ABCB5: variants seen among roughly 807,000 people sequenced by gnomAD.
The protein encoded by ABCB5 is ATP-binding cassette sub-family B member 5.
ABCB5 carries 155 observed loss-of-function variants against 144.2 expected under a neutral mutation model. The observed-to-expected ratio is 1.08, with a 90% CI of 0.94 to 1.23. The LOEUF (loss-of-function observed/expected upper bound fraction) is 1.23. Ranked by LOEUF, ABCB5 falls within the 50% of genes most tolerant of loss-of-function variation. The probability of loss-of-function intolerance (pLI) is 0.00; values close to 1 mark genes in which losing one functional copy is unlikely to be tolerated. For missense variants in ABCB5, 1,830 were observed against 1,520.8 expected, an observed-to-expected ratio of 1.20 and a Z score of -3.38; for synonymous variants, 610 against 528.6, an observed-to-expected ratio of 1.15 and a Z score of -2.11.
intron 14 of ABCB5, among the ~76,000 whole-genome samples, chr7:20,661,995 A>G (rs1001823104): frequency 6.6e-6 from 1 of 152,200 alleles, no homozygotes; most frequent in Non-Finnish European, 1.5e-5. Flanking sequence ...GTGCCAATGC[A>G]GCAGGTTTCC....
chr7:20,676,315 T>C (rs1198549928), intron 14 of ABCB5, among the ~76,000 whole-genome samples: 1 of 150,772 alleles, frequency 6.6e-6, no homozygotes, highest in Non-Finnish European at 1.5e-5. Context: ...CATTGCATCA[T>C]TATTTCTAAT....
At chr7:20,641,052 C>A (rs906764975) in intron 5 of ABCB5, among the ~76,000 whole-genome samples, 5 of 152,106 alleles carry the variant, frequency 3.3e-5, no homozygotes, top group Non-Finnish European at 5.9e-5. Flanking sequence ...ATCCACATCC[C>A]CAGCCTAGAC....
chr7:20,700,320 T>A (rs1281945980), intron 19 of ABCB5, among the ~76,000 whole-genome samples, 185 bp downstream of exon 19: 2 of 152,168 alleles, frequency 1.3e-5, no homozygotes, highest in African/African-American at 4.8e-5. Flanking sequence ...AGTCCAAAAG[T>A]GTGACGTTAA....
rs751072902 is a variant in ABCB5 at position 20,658,560 on chromosome 7, C to G, written c.1591C>G (p.Gln531Glu). The G allele has an allele frequency of 1.2e-6, 2 of 1,614,112 alleles. No homozygotes were observed. Among genetic ancestry groups the G allele is most frequent in the Admixed American group, 3.3e-5 (2 of 60,010 alleles). Residue 531 changes from glutamine (Q) to glutamate (E), a missense_variant, in exon 14 of 28, where the codon CAG becomes GAG. Coordinates refer to ENST00000404938, the MANE Select transcript of ABCB5 (RefSeq NM_001163941.2). ...KGAQMSGGQK[Q>E]RIAIARALVR... ...AGCTCAAATGAGTGGAGGGCAGAAA[C>G]AGAGGATCGCAATTGCTCGTGCCTT...
chr7:20,645,920 T>A, intron 8 of ABCB5, 40 bp downstream of exon 8: 1 of 1,612,474 alleles, frequency 6.2e-7, no homozygotes, highest in South Asian at 1.1e-5. Context: ...CTTGGTTTTA[T>A]TTTCCCCAGT....
intron 20 of ABCB5, among the ~76,000 whole-genome samples, chr7:20,722,761 G>A (rs1243029493): frequency 6.6e-6 from 1 of 152,074 alleles, no homozygotes; most frequent in Non-Finnish European, 1.5e-5. Context: ...GTCGGAGGTT[G>A]CAGTGAGCCG....
At chr7:20,616,796 TG>T (rs1379280919) in intron 1 of ABCB5, among the ~76,000 whole-genome samples, 13 of 152,220 alleles carry the variant, frequency 8.5e-5, no homozygotes, top group Non-Finnish European at 1.9e-4. Flanking sequence ...GAGAGGAACA[TG>T]GGGGCAGCCA....
chr7:20,720,309 C>A (rs1781818998), intron 20 of ABCB5, among the ~76,000 whole-genome samples: 1 of 152,178 alleles, frequency 6.6e-6, no homozygotes, highest in South Asian at 2.1e-4. Context: ...GTTCATACTA[C>A]AATAAATAAG....
intron 20 of ABCB5, among the ~76,000 whole-genome samples, chr7:20,711,864 TCCTCCCTCCCTCCCTCCCTCCCTCCC>T (rs1787081356): frequency 7.1e-5 from 3 of 42,278 alleles, no homozygotes; most frequent in African/African-American, 1.2e-4. Flanking sequence ...TTTCTTTCCT[TCCTCCCTCCCTCCCTCCCTCCCTCCC>T]TCCTTCCTTC....
intron 14 of ABCB5, 148 bp downstream of exon 14, chr7:20,658,824 T>A: frequency 9.3e-7 from 1 of 1,077,998 alleles, no homozygotes. Context: ...AGAACTTACG[T>A]GATGGCTATA....
intron 18 of ABCB5, 50 bp downstream of exon 18, chr7:20,699,979 C>T: frequency 6.3e-7 from 1 of 1,597,032 alleles, no homozygotes; most frequent in Non-Finnish European, 8.6e-7. Context: ...TGTTGCCATT[C>T]TTTCTATTTG....
intron 4 of ABCB5, among the ~76,000 whole-genome samples, chr7:20,630,987 G>T (rs181018669): frequency 7.9e-4 from 120 of 152,176 alleles, no homozygotes; most frequent in Middle Eastern, 3.4e-3. Context: ...AGAGAAGTAG[G>T]GATATTAAGA....
intron 19 of ABCB5, among the ~76,000 whole-genome samples, chr7:20,702,723 G>A (rs1459990493): frequency 2.1e-5 from 3 of 145,466 alleles, no homozygotes; most frequent in Non-Finnish European, 3.0e-5. Context: ...CTGCAATGGC[G>A]TGATCTCGGC....
At chr7:20,659,975 C>T (rs975527657) in intron 14 of ABCB5, 8 of 985,500 alleles carry the variant, frequency 8.1e-6, no homozygotes, top group East Asian at 1.1e-4. Flanking sequence ...TGCGTCTCCG[C>T]GCCCGGCCAG....
rs556553150 is a variant in ABCB5 at position 20,724,222 on chromosome 7, G to A, written c.2625+1003G>A. ...GTCTTATTTATTTATTTATTTATTGGTGGACTTCTATCTTACTCTTCTTGG... is the reference window on the plus strand; with the variant it reads ...GTCTTATTTATTTATTTATTTATTGATGGACTTCTATCTTACTCTTCTTGG... On this transcript the variant is annotated intron_variant, in intron 21 of 27. Transcript: ENST00000404938. Among the ~76,000 whole-genome samples the A allele has an allele frequency of 2.7e-3, 256 of 96,276 alleles. 7 individuals are homozygous for A. The highest frequency in any genetic ancestry group is 0.026 in the Admixed American group (248 of 9,626). 63.2% of individuals were successfully genotyped at this position (96,276 alleles called of 152,430 possible). A position where few individuals can be genotyped will look rare whatever the true frequency, so the allele number is the denominator to read the frequency against.
rs188096805 is a variant in ABCB5 at position 20,659,469 on chromosome 7, G to T, written c.1707+793G>T. The T allele has an allele frequency of 3.3e-5, 35 of 1,069,134 alleles. 1 individual carries two copies. The Admixed American group carries it at 4.9e-4, about 15-fold the overall frequency. The allele number at this position is 1,069,134 out of a possible 1,614,324, so 66.2% of individuals were successfully genotyped here. On this transcript the variant is annotated intron_variant, in intron 14 of 27. Transcript: ENST00000404938. ...TTTATGGAACCAGAAACGGATACTG[G>T]CAGGCTAAATGTCCACTGCTTCTTG...
At chr7:20,632,246 T>C (rs1784055581) in intron 5 of ABCB5, 133 bp downstream of exon 5, 1 of 568,236 alleles carries the variant, frequency 1.8e-6, no homozygotes. Flanking sequence ...ACATTTCCTC[T>C]TCTTTCATTA....
At chr7:20,625,321 T>A (rs902352136) in intron 2 of ABCB5, among the ~76,000 whole-genome samples, 1 of 152,200 alleles carries the variant, frequency 6.6e-6, no homozygotes, top group African/African-American at 2.4e-5. Flanking sequence ...CTGTTGTGTC[T>A]GTATAGAAAA....
At position 20,692,562 on chromosome 7, in the gene ABCB5, G is replaced by A. The variant is rs898676239; in HGVS notation, c.2011-5845G>A. On this transcript the variant is annotated intron_variant, in intron 16 of 27. Coordinates refer to ENST00000404938, the MANE Select transcript of ABCB5 (RefSeq NM_001163941.2). ...ATACACAAAGGAATGAAGAGTATCA[G>A]TAATAGTAAATATACAAGTTACTAT... Among the ~76,000 whole-genome samples the A allele has an allele frequency of 2.0e-5, 3 of 151,220 alleles. No homozygotes were observed. In the Admixed American group the frequency reaches 2.0e-4, roughly 10 times the overall value.
Sources: gnomAD v4.1 joint callset for allele counts (sites outside exome capture counted in the v4.1 genomes callset) on GRCh38, gnomAD v4.1.1 for gene constraint, MANE v1.5 for transcripts, NCBI Gene and HGNC (gene_info 2026-07-23, HGNC 2026-07-21) for gene names.